RGS6: variants seen among roughly 807,000 people sequenced by gnomAD.
The protein encoded by RGS6 is regulator of G protein signaling 6.
In RGS6, 30 loss-of-function variants were observed where a neutral mutation model predicts 78.5. The observed-to-expected ratio is 0.38, with a 90% CI of 0.29 to 0.52. The LOEUF (loss-of-function observed/expected upper bound fraction) is 0.52. Ranked by LOEUF, RGS6 falls within the 20% of genes least tolerant of loss-of-function variation. RGS6 has a pLI of 0.85. For missense variants in RGS6, 495 were observed against 609.7 expected, an observed-to-expected ratio of 0.81 and a Z score of 1.98; for synonymous variants, 206 against 206.0, an observed-to-expected ratio of 1.00 and a Z score of 0.00.
intron 3 of RGS6, among the ~76,000 whole-genome samples, chr14:72,416,108 G>C (rs951132356): frequency 7.5e-5 from 11 of 147,396 alleles, no homozygotes; most frequent in African/African-American, 2.8e-4. Flanking sequence ...AGATCGCACT[G>C]CACCCCAGCC....
At chr14:71,997,832 G>A (rs981120565) in intron 2 of RGS6, among the ~76,000 whole-genome samples, 2 of 152,088 alleles carry the variant, frequency 1.3e-5, no homozygotes, top group African/African-American at 2.4e-5. Flanking sequence ...TTATAATTTG[G>A]CTCTGTATCA....
the RGS6 span, among the ~76,000 whole-genome samples, chr14:72,612,296 C>T: frequency 1.7e-4 from 26 of 152,300 alleles, no homozygotes; most frequent in Middle Eastern, 3.4e-3. Context: ...GTGGACCAGA[C>T]GCATTGGTGA....
chr14:72,070,983 T>G (rs1367782995), intron 2 of RGS6, among the ~76,000 whole-genome samples: 1 of 152,142 alleles, frequency 6.6e-6, no homozygotes, highest in Non-Finnish European at 1.5e-5. Flanking sequence ...TTAAAATATT[T>G]TATTCATCTC....
intron 2 of RGS6, among the ~76,000 whole-genome samples, chr14:72,043,612 C>T (rs959105523): frequency 6.6e-6 from 1 of 152,166 alleles, no homozygotes; most frequent in Non-Finnish European, 1.5e-5. Flanking sequence ...CAACTTTCAT[C>T]CTCTATAGAT....
chr14:71,943,681 G>C (rs997550782), intron 1 of RGS6, among the ~76,000 whole-genome samples: 2 of 152,216 alleles, frequency 1.3e-5, no homozygotes, highest in Middle Eastern at 3.2e-3. Context: ...AGCAGGAAGA[G>C]AAGTGAAAAA....
intron 3 of RGS6, among the ~76,000 whole-genome samples, chr14:72,379,083 A>G (rs1364353771): frequency 6.6e-6 from 1 of 152,180 alleles, no homozygotes; most frequent in African/African-American, 2.4e-5. Context: ...CACAAAAGTT[A>G]TGTGATTGTC....
intron 15 of RGS6, among the ~76,000 whole-genome samples, chr14:72,533,516 T>C (rs2097208243): frequency 6.6e-6 from 1 of 152,262 alleles, no homozygotes; most frequent in Non-Finnish European, 1.5e-5. Context: ...CATAAAGCTA[T>C]AGCTGTCACA....
At chr14:72,253,400 T>C (rs1350513893) in intron 2 of RGS6, among the ~76,000 whole-genome samples, 2 of 152,238 alleles carry the variant, frequency 1.3e-5, no homozygotes, top group Non-Finnish European at 2.9e-5. Context: ...AGACAACTTA[T>C]ATAGTAGGCC....
rs71109718 is a variant in RGS6, at chr14:72,057,313, GAAAAAAAA to G, written c.84+92458_84+92465del. Among the ~76,000 whole-genome samples, 253 of 56,156 alleles carry G rather than the reference GAAAAAAAA, an allele frequency of 4.5e-3. 1 individual carries two copies. The highest frequency in any genetic ancestry group is 0.018 in the African/African-American group (243 of 13,458). 36.8% of individuals were successfully genotyped at this position (56,156 alleles called of 152,430 possible). On this transcript the variant is annotated intron_variant, in intron 2 of 17. Transcript: ENST00000553525. Reference sequence around the variant, plus strand: ...TGAGTGACAGAGTGAGACTCTATCTGAAAAAAAAAAAAAAAAAAAAAAAAAAAGAATGT... The same window carrying G: ...TGAGTGACAGAGTGAGACTCTATCTGAAAAAAAAAAAAAAAAAAAGAATGT...
chr14:72,588,290 C>T, the RGS6 span, among the ~76,000 whole-genome samples: 87 of 152,188 alleles, frequency 5.7e-4, no homozygotes, highest in Middle Eastern at 3.4e-3. Flanking sequence ...CATTTGTGAG[C>T]ATATCTGAGA....
intron 2 of RGS6, among the ~76,000 whole-genome samples, chr14:72,098,538 G>T (rs559761068): frequency 1.3e-5 from 2 of 152,156 alleles, no homozygotes; most frequent in Non-Finnish European, 2.9e-5. Flanking sequence ...TCAGAGCTTG[G>T]ACCAAATTTT....
chr14:71,998,133 C>T (rs529916604), intron 2 of RGS6, among the ~76,000 whole-genome samples: 6 of 152,206 alleles, frequency 3.9e-5, no homozygotes, highest in East Asian at 1.9e-4. Flanking sequence ...AAAGGTGGGA[C>T]GACTGGAAGC....
intron 17 of RGS6, chr14:72,541,127 G>A: frequency 1.5e-6 from 2 of 1,367,554 alleles, no homozygotes; most frequent in South Asian, 1.2e-5. Flanking sequence ...CCCATGCAGG[G>A]AGCTGGCCAC....
intron 2 of RGS6, among the ~76,000 whole-genome samples, chr14:72,018,745 C>T (rs1334273807): frequency 6.6e-6 from 1 of 152,120 alleles, no homozygotes; most frequent in Non-Finnish European, 1.5e-5. Context: ...ATCTAAATGC[C>T]TACTCCCCCT....
intron 2 of RGS6, among the ~76,000 whole-genome samples, chr14:72,291,450 A>G (rs932573391): frequency 4.6e-5 from 7 of 152,086 alleles, no homozygotes; most frequent in Non-Finnish European, 1.0e-4. Context: ...ATTGCTGCAC[A>G]TATTTTGTTC....
chr14:72,440,323 G>A (rs1048460870), intron 3 of RGS6, among the ~76,000 whole-genome samples: 4 of 152,114 alleles, frequency 2.6e-5, no homozygotes, highest in Admixed American at 6.5e-5. Context: ...GCTTCTGTCC[G>A]ACTACTGCAA....
At chr14:72,505,712 G>A (rs527941610) in intron 13 of RGS6, among the ~76,000 whole-genome samples, 109 of 152,306 alleles carry the variant, frequency 7.2e-4, no homozygotes, top group African/African-American at 2.4e-3. Flanking sequence ...CCAGCTGTGT[G>A]ACCTTGGACA....
intron 2 of RGS6, among the ~76,000 whole-genome samples, chr14:72,011,649 G>A (rs1393466211): frequency 1.3e-5 from 2 of 152,088 alleles, no homozygotes; most frequent in South Asian, 2.1e-4. Flanking sequence ...CATTTATATT[G>A]TATTAGGTAT....
intron 14 of RGS6, among the ~76,000 whole-genome samples, chr14:72,511,207 A>G (rs961343250): frequency 3.3e-5 from 5 of 152,216 alleles, no homozygotes; most frequent in East Asian, 1.9e-4. Context: ...TTTGGTTTAT[A>G]TAGTAGAGTA....
Sources: gnomAD v4.1 joint callset for allele counts (sites outside exome capture counted in the v4.1 genomes callset) on GRCh38, gnomAD v4.1.1 for gene constraint, MANE v1.5 for transcripts, NCBI Gene and HGNC (gene_info 2026-07-23, HGNC 2026-07-21) for gene names.